The following MYO18A variants were observed in gnomAD, a reference collection of about 807,000 sequenced individuals.
MYO18A encodes unconventional myosin-XVIIIa.
In MYO18A, 78 loss-of-function variants were observed where a neutral mutation model predicts 235.8. The ratio of observed to expected loss-of-function variants is 0.33; its 90% CI spans 0.28 to 0.40. MYO18A has a LOEUF of 0.40. Ranked by LOEUF, MYO18A falls within the 10% of genes least tolerant of loss-of-function variation. The probability of loss-of-function intolerance (pLI) is 1.00; values close to 1 mark genes in which losing one functional copy is unlikely to be tolerated. For synonymous variants in MYO18A, 977 were observed against 1,077.8 expected (o/e 0.91, Z 1.83); for missense variants, 2,215 against 2,699.3 (o/e 0.82, Z 3.98).
Position 29,140,404 on chromosome 17 carries a change from G to GT in MYO18A, c.1000-18152dup. The GT allele has an allele frequency of 1.6e-6, 2 of 1,282,982 alleles. No homozygotes were observed. The highest frequency in any genetic ancestry group is 2.0e-6 in the Non-Finnish European group (2 of 985,888). 79.5% of individuals were successfully genotyped at this position (1,282,982 alleles called of 1,614,324 possible). ...TCCGCTCTGATGCTGCTCTGGCTCC[G>GT]TTAGCAGCTCAAAATAGCACAGGCT... On this transcript the variant is annotated intron_variant, in intron 2 of 41. Transcript: ENST00000527372. The surrounding 1 kb of genome is among the most constrained non-coding windows in gnomAD (Gnocchi z 4.2).
Position 29,095,176 on chromosome 17 carries a change from G to A in MYO18A, c.4386-117C>T, listed in dbSNP as rs79455543. ...AAGCAGGGGTGGGGGGACCCATGCA[G>A]CCCTAACGTGGGGCCAGTTGTAAGG... On this transcript the variant is annotated intron_variant, in intron 28 of 41. Coordinates refer to ENST00000527372, the MANE Select transcript of MYO18A (RefSeq NM_078471.4). 8.9e-4 allele frequency: 1,231 copies of A among 1,385,356 alleles called. 9 individuals carry two copies. The African/African-American group carries it at 0.016, about 18-fold the overall frequency. 85.8% of individuals were successfully genotyped at this position (1,385,356 alleles called of 1,614,324 possible).
Position 29,092,323 on chromosome 17 carries a change from C to G in MYO18A, c.5187+20G>C, listed in dbSNP as rs553835238. 6.3e-7 allele frequency: 1 copy of G among 1,591,786 alleles called. No homozygotes were observed. Among genetic ancestry groups the G allele is most frequent in the South Asian group, 1.1e-5 (1 of 90,034 alleles). On this transcript the variant is annotated intron_variant, in intron 34 of 41. Coordinates refer to ENST00000527372, the MANE Select transcript of MYO18A (RefSeq NM_078471.4). ...TGCCTCAGCCCCCCGAGCTCTGCCC[C>G]GGGCACCTTGGCCCCTCACCGCTGT...
intron 2 of MYO18A, among the ~76,000 whole-genome samples, chr17:29,149,182 C>T (rs1365669519): frequency 6.6e-6 from 1 of 152,242 alleles, no homozygotes; most frequent in East Asian, 1.9e-4. Flanking sequence ...CTCTCGCCGT[C>T]CCCAGGACGC....
At chr17:29,173,254 G>A (rs1029734633) in intron 1 of MYO18A, among the ~76,000 whole-genome samples, 2 of 151,590 alleles carry the variant, frequency 1.3e-5, no homozygotes, top group Non-Finnish European at 2.9e-5. Context: ...CACCATGACC[G>A]GCTAATTTTG....
Position 29,098,950 on chromosome 17 carries a change from C to T in MYO18A, c.3656G>A (p.Arg1219His), listed in dbSNP as rs771787983. The T allele has an allele frequency of 5.6e-6, 9 of 1,613,382 alleles. No homozygotes were observed. In the East Asian group the frequency reaches 1.3e-4, roughly 24 times the overall value. ...KKRKIQDLAI[R>H]CVQKNIKKNK... Reference sequence around the variant, plus strand: ...CTTCTTGATGTTCTTCTGTACACAGCGAATGGCCAGGTCCTGGATCTGCAG... The same window carrying T: ...CTTCTTGATGTTCTTCTGTACACAGTGAATGGCCAGGTCCTGGATCTGCAG... Residue 1219 changes from arginine (R) to histidine (H), a missense_variant, in exon 23 of 42, where the codon CGC becomes CAC. Coordinates refer to ENST00000527372, the MANE Select transcript of MYO18A (RefSeq NM_078471.4).
intron 35 of MYO18A, 71 bp downstream of exon 35, chr17:29,090,739 G>C (rs1343938062): frequency 1.3e-6 from 2 of 1,536,662 alleles, no homozygotes; most frequent in Non-Finnish European, 1.8e-6. Flanking sequence ...GCGGTTGTGC[G>C]GGGGACCCAT....
rs1467182958 is a variant in MYO18A, at chr17:29,072,479, G to C, written c.*2291C>G. On this transcript the variant is annotated 3_prime_UTR_variant, in exon 42 of 42. Coordinates refer to ENST00000527372, the MANE Select transcript of MYO18A (RefSeq NM_078471.4). ...GGAGGTAGAGGTTGCAGTGAGTTGAGATCATGCCACTGCATTCCAGCTTGG... is the reference window on the plus strand; with the variant it reads ...GGAGGTAGAGGTTGCAGTGAGTTGACATCATGCCACTGCATTCCAGCTTGG... 6.6e-6 allele frequency: 1 copy of C among 152,310 alleles called. No individual in the cohort carries two copies. The highest frequency in any genetic ancestry group is 1.5e-5 in the Non-Finnish European group (1 of 68,136). The allele number at this position is 152,310 out of a possible 1,614,324, so 9.4% of individuals were successfully genotyped here.
chr17:29,079,467 C>T lies in MYO18A; in HGVS notation c.6020+2849G>A, dbSNP rs2066063243. 2.0e-5 allele frequency among the ~76,000 whole-genome samples: 3 copies of T among 152,238 alleles called. No individual in the cohort carries two copies. The South Asian group carries it at 6.2e-4, about 31-fold the overall frequency. ...ACTAAAGTGTGGAAGGTATGAAGGA[C>T]AGTCCCTGGTTCAGGGTCAGGACTT... is the stretch of plus-strand genomic sequence containing the variant. On this transcript the variant is annotated intron_variant, in intron 41 of 41. Transcript: ENST00000527372.
rs1598369001 is a variant in MYO18A at position 29,140,453 on chromosome 17, T to C, written c.1000-18200A>G. 1.6e-6 allele frequency: 2 copies of C among 1,219,884 alleles called. No homozygotes were observed. Among genetic ancestry groups the C allele is most frequent in the Non-Finnish European group, 1.0e-6 (1 of 952,850 alleles). 75.6% of individuals were successfully genotyped at this position (1,219,884 alleles called of 1,614,324 possible). ...CTGTGGCCCCGCCCAGTTCCCGCCC[T>C]CTCCCCGGCCCCTCCCGTCCCGAGC... On this transcript the variant is annotated intron_variant, in intron 2 of 41. Transcript: ENST00000527372. The surrounding 1 kb of genome is among the most constrained non-coding windows in gnomAD (Gnocchi z 4.2).
intron 1 of MYO18A, among the ~76,000 whole-genome samples, chr17:29,171,697 CA>C (rs34439682): frequency 0.14 from 21,519 of 151,964 alleles, 1,799 homozygotes; most frequent in East Asian, 0.28. Flanking sequence ...GAGTCGGAGA[CA>C]AGCCTGGGCA....
At position 29,140,386 on chromosome 17, in the gene MYO18A, T is replaced by C. The variant is rs1301406680; in HGVS notation, c.1000-18133A>G. ...AGCCCAGAGCAAGGAGACTCCGCTCTGATGCTGCTCTGGCTCCGTTAGCAG... is the reference window on the plus strand; with the variant it reads ...AGCCCAGAGCAAGGAGACTCCGCTCCGATGCTGCTCTGGCTCCGTTAGCAG... On this transcript the variant is annotated intron_variant, in intron 2 of 41. Transcript: ENST00000527372. The surrounding 1 kb of genome is among the most constrained non-coding windows in gnomAD (Gnocchi z 4.2). The C allele has an allele frequency of 3.9e-6, 5 of 1,284,366 alleles. No individual in the cohort carries two copies. Among genetic ancestry groups the C allele is most frequent in the Non-Finnish European group, 5.1e-6 (5 of 986,546 alleles). 79.6% of individuals were successfully genotyped at this position (1,284,366 alleles called of 1,614,324 possible).
At chr17:29,075,287 G>A (rs2065947245) in intron 41 of MYO18A, 1 of 211,196 alleles carries the variant, frequency 4.7e-6, no homozygotes, top group African/African-American at 2.3e-5. Flanking sequence ...GGCAGTCCGT[G>A]AACCACATTG....
intron 21 of MYO18A, 102 bp from the exon 22 acceptor site, chr17:29,099,864 C>T (rs1039382381): frequency 5.2e-5 from 76 of 1,466,088 alleles, no homozygotes; most frequent in Non-Finnish European, 6.3e-5. Context: ...CCAGGGAGTA[C>T]AGCCCTTGGC....
chr17:29,111,744 G>A lies in MYO18A; in HGVS notation c.2718C>T (p.Gly906=), dbSNP rs1260951989. The change falls in exon 16 of 42, where the codon GGC becomes GGT. Residue 906 remains glycine (G), a synonymous_variant. Coordinates refer to ENST00000527372, the MANE Select transcript of MYO18A (RefSeq NM_078471.4). The surrounding 1 kb of genome is among the most constrained non-coding windows in gnomAD (Gnocchi z 5.1). ...TACCTTTTTTGTCACCTTCCTGGGGGCCATAATAGGAGAAAAGGCGCTCCA... is the reference window on the plus strand; with the variant it reads ...TACCTTTTTTGTCACCTTCCTGGGGACCATAATAGGAGAAAAGGCGCTCCA... The part of the protein sequence containing the change: ...TLLERLFSYY[G]PQEGDKKGQS... 6.2e-7 allele frequency: 1 copy of A among 1,613,730 alleles called. No individual in the cohort carries two copies. Among genetic ancestry groups the A allele is most frequent in the South Asian group, 1.1e-5 (1 of 91,086 alleles).
At chr17:29,170,860 CA>C (rs2068387211) in intron 1 of MYO18A, among the ~76,000 whole-genome samples, 1 of 152,152 alleles carries the variant, frequency 6.6e-6, no homozygotes, top group South Asian at 2.1e-4. Context: ...TGCTCATATT[CA>C]TGCAATGGAA....
rs2067302581 is a variant in MYO18A at position 29,125,638 on chromosome 17, G to C, written c.1000-3385C>G. ...CATGTCCTCGAGGCAGGACAATGTG[G>C]CCAGAGAAAGGGACTGGGCCCTGAG... is the stretch of plus-strand genomic sequence containing the variant. On this transcript the variant is annotated intron_variant, in intron 2 of 41. Transcript: ENST00000527372. The surrounding 1 kb of genome is among the most constrained non-coding windows in gnomAD (Gnocchi z 5.1). 6.6e-6 allele frequency among the ~76,000 whole-genome samples: 1 copy of C among 152,222 alleles called. No homozygotes were observed. The highest frequency in any genetic ancestry group is 2.1e-4 in the South Asian group (1 of 4,838).
intron 2 of MYO18A, among the ~76,000 whole-genome samples, chr17:29,159,966 A>G (rs1432525606): frequency 6.6e-6 from 1 of 152,234 alleles, no homozygotes; most frequent in Admixed American, 6.5e-5. Flanking sequence ...GATGGCGTCT[A>G]TAAGGCTAGG....
intron 2 of MYO18A, among the ~76,000 whole-genome samples, chr17:29,149,105 C>A (rs777831054): frequency 6.6e-6 from 1 of 152,184 alleles, no homozygotes; most frequent in Non-Finnish European, 1.5e-5. Flanking sequence ...GGCCGGCCTC[C>A]AGGCCCCACC....
chr17:29,133,639 C>A (rs2067526549), intron 2 of MYO18A: 1 of 447,332 alleles, frequency 2.2e-6, no homozygotes, highest in African/African-American at 2.0e-5. Context: ...AGGGAGTTCA[C>A]CAGCCCCCGT....
Sources: gnomAD v4.1 joint callset for allele counts (sites outside exome capture counted in the v4.1 genomes callset) on GRCh38, gnomAD v4.1.1 for gene constraint, Gnocchi (gnomAD v3.1) non-coding constraint, MANE v1.5 for transcripts, NCBI Gene and HGNC (gene_info 2026-07-23, HGNC 2026-07-21) for gene names.